Variants in MAGED1 observed in about 807,000 individuals in gnomAD.
The protein encoded by MAGED1 is MAGE family member D1, also known as melanoma-associated antigen D1.
MAGED1 carries 3 observed loss-of-function variants against 54.1 expected under a neutral mutation model. The ratio of observed to expected loss-of-function variants is 0.06; its 90% CI spans 0.03 to 0.14. The LOEUF is 0.14. MAGED1 is among the 10% of genes least tolerant of loss of function. The pLI is 1.00. For synonymous variants in MAGED1, 217 were observed against 227.3 expected (o/e 0.95, Z 0.41); for missense variants, 485 against 623.4 (o/e 0.78, Z 2.36).
intron 1 of MAGED1, among the ~76,000 whole-genome samples, chrX:51,803,321 C>G (rs1218605612): frequency 9.1e-6 from 1 of 110,495 alleles, no homozygotes; most frequent in African/African-American, 3.3e-5. Flanking sequence ...CCGCTCCTGC[C>G]TCACCTCCTC....
intron 1 of MAGED1, 134 bp from the exon 2 acceptor site, chrX:51,894,135 A>G: frequency 2.3e-6 from 1 of 427,835 alleles, no homozygotes; most frequent in Non-Finnish European, 4.2e-6. Context: ...ACGCCCATTC[A>G]CTTTTACCGC....
intron 1 of MAGED1, among the ~76,000 whole-genome samples, chrX:51,879,556 T>G (rs1265241080): frequency 1.8e-5 from 2 of 111,747 alleles, no homozygotes; most frequent in African/African-American, 3.2e-5. Context: ...TATTCTATTA[T>G]AAGTAAGATA....
chrX:51,869,824 C>G (rs782187561), intron 1 of MAGED1, among the ~76,000 whole-genome samples: 4 of 111,290 alleles, frequency 3.6e-5, no homozygotes, highest in Non-Finnish European at 5.7e-5. Context: ...GAGCCGAGAT[C>G]GTGCCACTGA....
chrX:51,898,703 C>A, intron 10 of MAGED1, 60 bp downstream of exon 10: 1 of 1,046,076 alleles, frequency 9.6e-7, no homozygotes, highest in Non-Finnish European at 1.3e-6. Context: ...TGCTGGTCAG[C>A]TTTAGAAAGC....
chrX:51,840,004 C>T (rs12834215), intron 1 of MAGED1, among the ~76,000 whole-genome samples: 11,756 of 111,574 alleles, frequency 0.11, 567 homozygotes, highest in Middle Eastern at 0.15. Context: ...CTAATACATT[C>T]GCTTTCAAAA....
upstream of MAGED1, among the ~76,000 whole-genome samples, chrX:51,891,106 T>G (rs1557363445): frequency 1.8e-5 from 2 of 112,334 alleles, no homozygotes; most frequent in African/African-American, 6.5e-5. Flanking sequence ...ACAGGTAGAC[T>G]GTTGTCAAAT....
At chrX:51,869,588 G>A (rs1163086713) in intron 1 of MAGED1, among the ~76,000 whole-genome samples, 2 of 110,535 alleles carry the variant, frequency 1.8e-5, no homozygotes, top group South Asian at 4.0e-4. Flanking sequence ...CAGGGTATCC[G>A]CCGGGTGCGG....
chrX:51,897,165 G>T, intron 4 of MAGED1, 43 bp from the exon 5 acceptor site: 1 of 1,200,645 alleles, frequency 8.3e-7, no homozygotes, highest in Non-Finnish European at 1.1e-6. Context: ...AAGTTTTTTT[G>T]TAAATATTTT....
In MAGED1 at chrX:51,900,484, A is replaced by G. The variant is rs781958100; in HGVS notation, c.1959+188A>G. Among the ~76,000 whole-genome samples the G allele has an allele frequency of 1.3e-4, 15 of 111,912 alleles. 1 individual carries two copies. The East Asian group carries it at 1.7e-3, about 13-fold the overall frequency. On this transcript the variant is annotated intron_variant, in intron 11 of 12. Coordinates refer to ENST00000326587, the MANE Select transcript of MAGED1 (RefSeq NM_006986.4). Reference sequence around the variant, plus strand: ...GCTAACATATGTTAATATATTAGCTAATACAATTATGAGTTTGTTTTGGGT... The same window carrying G: ...GCTAACATATGTTAATATATTAGCTGATACAATTATGAGTTTGTTTTGGGT...
chrX:51,838,370 T>C (rs1557358134), intron 1 of MAGED1, among the ~76,000 whole-genome samples: 2 of 112,696 alleles, frequency 1.8e-5, no homozygotes, highest in Non-Finnish European at 3.7e-5. Context: ...GAAGCTGATA[T>C]TTAAAGAAAT....
chrX:51,882,916 C>T (rs1422393918), intron 1 of MAGED1, among the ~76,000 whole-genome samples: 1 of 111,654 alleles, frequency 9.0e-6, no homozygotes, highest in African/African-American at 3.3e-5. Flanking sequence ...GTCTCTAACT[C>T]GTGACCTCAG....
At chrX:51,841,774 T>C (rs1187266008) in intron 1 of MAGED1, among the ~76,000 whole-genome samples, 1 of 111,905 alleles carries the variant, frequency 8.9e-6, no homozygotes, top group African/African-American at 3.2e-5. Context: ...CTGAGGGCTC[T>C]GTTCTGTTCC....
Position 51,901,896 on chromosome X carries a change from A to G in MAGED1, c.2303A>G (p.Asn768Ser). Residue 768 changes from asparagine (N) to serine (S), a missense_variant, in exon 12 of 13, where the codon AAC becomes AGC. Coordinates refer to ENST00000326587, the MANE Select transcript of MAGED1 (RefSeq NM_006986.4). ...GGTASANFAA[N>S]FGAIGFFWVE ...ACAGCCAGTGCCAACTTCGCTGCCA[A>G]CTTTGGTGCCATTGGTTTCTTCTGG... 8.3e-7 allele frequency: 1 copy of G among 1,208,561 alleles called. No individual in the cohort carries two copies. Among genetic ancestry groups the G allele is most frequent in the Non-Finnish European group, 1.1e-6 (1 of 894,411 alleles).
chrX:51,890,865 A>T (rs1386980288), upstream of MAGED1, among the ~76,000 whole-genome samples: 2 of 108,362 alleles, frequency 1.8e-5, no homozygotes, highest in Non-Finnish European at 3.8e-5. Context: ...AGTCTTGTAG[A>T]GTATGTCAGT....
chrX:51,830,840 C>T (rs1182519037), intron 1 of MAGED1, among the ~76,000 whole-genome samples: 1 of 111,871 alleles, frequency 8.9e-6, no homozygotes, highest in African/African-American at 3.3e-5. Flanking sequence ...GTTTCATATG[C>T]TGTCTCCTTT....
At chrX:51,844,746 G>C (rs1926621720) in intron 1 of MAGED1, among the ~76,000 whole-genome samples, 1 of 111,715 alleles carries the variant, frequency 9.0e-6, no homozygotes, top group African/African-American at 3.3e-5. Flanking sequence ...AATTATCCAG[G>C]ATAGATATCT....
rs190095352 is a variant in MAGED1, at chrX:51,853,532, G to C, written c.-36-40737G>C. On this transcript the variant is annotated intron_variant, in intron 1 of 12. Transcript: ENST00000375772. ...GTTTTCCCACTTAGTGTAGCTCTGG[G>C]TTTTAATCTCTTATCTCTTTTGCCT... Among the ~76,000 whole-genome samples, 322 of 112,045 alleles carry C rather than the reference G, an allele frequency of 2.9e-3. 2 individuals carry two copies. Among genetic ancestry groups the C allele is most frequent in the Non-Finnish European group, 4.8e-3 (258 of 53,227 alleles).
intron 12 of MAGED1, 92 bp downstream of exon 12, chrX:51,902,030 G>A (rs372258717): frequency 2.1e-6 from 2 of 950,167 alleles, no homozygotes. Flanking sequence ...AGAAGTATTA[G>A]GAAACTCATT....
At chrX:51,897,434 G>A in intron 5 of MAGED1, 113 bp from the exon 6 acceptor site, 1 of 766,132 alleles carries the variant, frequency 1.3e-6, no homozygotes, top group Non-Finnish European at 2.0e-6. Context: ...TTCCATGGTT[G>A]GCTCTTTCCA....
Sources: gnomAD v4.1 joint callset for allele counts (sites outside exome capture counted in the v4.1 genomes callset) on GRCh38, gnomAD v4.1.1 for gene constraint, MANE v1.5 for transcripts, NCBI Gene and HGNC (gene_info 2026-07-23, HGNC 2026-07-21) for gene names.